UNC79: variants seen among roughly 807,000 people sequenced by gnomAD.
The protein encoded by UNC79 is protein unc-79 homolog.
In UNC79, 37 loss-of-function variants were observed where a neutral mutation model predicts 283.1. The ratio of observed to expected loss-of-function variants is 0.13; its 90% confidence interval spans 0.10 to 0.17. UNC79 has a LOEUF of 0.17. Ranked by LOEUF, UNC79 falls within the 10% of genes least tolerant of loss-of-function variation. UNC79 has a pLI of 1.00. For synonymous variants in UNC79, 1,107 were observed against 1,200.2 expected, an observed-to-expected ratio of 0.92 and a Z score of 1.61; for missense variants, 2,272 against 3,211.1, an observed-to-expected ratio of 0.71 and a Z score of 7.07.
Position 93,404,493 on chromosome 14 carries a change from A to AAAAAAAAAAATATATATAT in UNC79, c.-350-63177_-350-63176insAAAAAAAAATATATATATA. Among the ~76,000 whole-genome samples the AAAAAAAAAAATATATATAT allele has an allele frequency of 3.1e-4, 19 of 61,496 alleles. 1 individual carries two copies. The highest frequency in any genetic ancestry group is 4.6e-4 in the South Asian group (1 of 2,174). 40.3% of individuals were successfully genotyped at this position (61,496 alleles called of 152,430 possible). A position where few individuals can be genotyped will look rare whatever the true frequency, so the allele number is the denominator to read the frequency against. ...TGACAGAGTGAGACCTTCTAAAAAAAATATATATATATATATATATAAATA... is the reference window on the plus strand; with the variant it reads ...TGACAGAGTGAGACCTTCTAAAAAAAAAAAAAAAAATATATATATATATATATATATATATATATAAATA... On this transcript the variant is annotated intron_variant, in intron 1 of 49. Coordinates refer to the UNC79 transcript ENST00000256339.
At chr14:93,581,407 A>G (rs1466065194) in intron 19 of UNC79, among the ~76,000 whole-genome samples, 1 of 150,416 alleles carries the variant, frequency 6.6e-6, no homozygotes, top group Admixed American at 6.6e-5. Context: ...CCTGCCCTCA[A>G]GTGATCCTCC....
At chr14:93,686,493 A>G in intron 42 of UNC79, 79 bp from the exon 46 acceptor site, 1 of 1,476,878 alleles carries the variant, frequency 6.8e-7, no homozygotes. Flanking sequence ...CTTAGTAAAC[A>G]ACGTGAAACC....
intron 1 of UNC79, among the ~76,000 whole-genome samples, chr14:93,405,454 T>TA (rs1182327214): frequency 6.6e-6 from 1 of 152,000 alleles, no homozygotes; most frequent in East Asian, 1.9e-4. Context: ...GTCAAGCATA[T>TA]AAAAAATTAA....
intron 7 of UNC79, among the ~76,000 whole-genome samples, chr14:93,499,181 A>T (rs1322192156): frequency 6.6e-6 from 1 of 152,192 alleles, no homozygotes; most frequent in African/African-American, 2.4e-5. Context: ...AGTAGATAGT[A>T]AGTAAATTTT....
chr14:93,614,168 T>C (rs1447859560), intron 27 of UNC79, among the ~76,000 whole-genome samples: 2 of 152,100 alleles, frequency 1.3e-5, no homozygotes, highest in Non-Finnish European at 2.9e-5. Context: ...TTCAGTGGCA[T>C]TGAGTAATTT....
chr14:93,427,474 T>A (rs1436377642), upstream of UNC79, among the ~76,000 whole-genome samples: 1 of 152,180 alleles, frequency 6.6e-6, no homozygotes, highest in Non-Finnish European at 1.5e-5. Flanking sequence ...TAGACATATA[T>A]GGTGTGTATG....
intron 17 of UNC79, among the ~76,000 whole-genome samples, chr14:93,576,300 T>G (rs1224550339): frequency 6.6e-6 from 1 of 152,210 alleles, no homozygotes; most frequent in Non-Finnish European, 1.5e-5. Flanking sequence ...TGAAGAGCTT[T>G]GTGGTTACCA....
intron 1 of UNC79, among the ~76,000 whole-genome samples, chr14:93,380,327 T>C (rs1337021105): frequency 6.6e-6 from 1 of 152,220 alleles, no homozygotes; most frequent in East Asian, 1.9e-4. Flanking sequence ...GTAAAAAGTA[T>C]GAAGACTGCC....
intron 14 of UNC79, among the ~76,000 whole-genome samples, chr14:93,545,882 T>G (rs1030305381): frequency 6.6e-6 from 1 of 152,172 alleles, no homozygotes; most frequent in African/African-American, 2.4e-5. Context: ...TAGGGGTTTC[T>G]CAAAGTCAAT....
At chr14:93,404,927 T>A (rs1286287312) in intron 1 of UNC79, among the ~76,000 whole-genome samples, 1 of 151,968 alleles carries the variant, frequency 6.6e-6, no homozygotes, top group Non-Finnish European at 1.5e-5. Flanking sequence ...GTATTGGAAA[T>A]TAGAATTTAG....
At chr14:93,553,140 A>C (rs58686047) in intron 14 of UNC79, among the ~76,000 whole-genome samples, 1 of 152,226 alleles carries the variant, frequency 6.6e-6, no homozygotes, top group Non-Finnish European at 1.5e-5. Context: ...ATACTCACAT[A>C]TAGTTTCCAA....
chr14:93,561,293 A>G (rs1256365484), intron 14 of UNC79, among the ~76,000 whole-genome samples: 3 of 152,152 alleles, frequency 2.0e-5, no homozygotes, highest in Non-Finnish European at 4.4e-5. Flanking sequence ...GGGTCCAAAT[A>G]TGGGGGGAGT....
chr14:93,588,740 C>CAAAAAAAA (rs397745981), intron 22 of UNC79, among the ~76,000 whole-genome samples: 3 of 17,760 alleles, frequency 1.7e-4, no homozygotes, highest in Non-Finnish European at 4.5e-4. Flanking sequence ...GACTCCGTCT[C>CAAAAAAAA]AAAAAAAAAA....
chr14:93,540,734 C>T (rs2061335104), exon 13 of UNC79: 1 of 1,613,648 alleles, frequency 6.2e-7, no homozygotes, highest in African/African-American at 1.3e-5. Flanking sequence ...CTGGGCCTCT[C>T]CTCTTCCCAC....
rs904159772 is a variant in UNC79 at position 93,351,429 on chromosome 14, G to A, written c.-351+17906G>A. On this transcript the variant is annotated intron_variant, in intron 1 of 49. Coordinates refer to the UNC79 transcript ENST00000256339. The stretch of plus-strand genomic sequence containing the variant: ...TCTTGAAATAAAAAATAAATAAATA[G>A]AAGTTATTGTTTGAGGATATACAAG... Among the ~76,000 whole-genome samples, 4 of 152,094 alleles carry A rather than the reference G, an allele frequency of 2.6e-5. No individual in the cohort carries two copies. The East Asian group carries it at 5.8e-4, about 22-fold the overall frequency.
exon 20 of UNC79, chr14:93,582,321 G>A (rs756260785): frequency 6.2e-7 from 1 of 1,614,132 alleles, no homozygotes; most frequent in Non-Finnish European, 8.5e-7. Flanking sequence ...CCAGGCAACT[G>A]CACCGAGCCC....
At chr14:93,494,541 C>A (rs2058929309) in intron 5 of UNC79, among the ~76,000 whole-genome samples, 1 of 152,158 alleles carries the variant, frequency 6.6e-6, no homozygotes, top group Non-Finnish European at 1.5e-5. Flanking sequence ...GTCTGGAGCT[C>A]AGAACAGAGC....
chr14:93,439,315 C>CTCTTT (rs3059773), intron 1 of UNC79, among the ~76,000 whole-genome samples: 105,761 of 151,066 alleles, frequency 0.7, 37,429 homozygotes, highest in Middle Eastern at 0.77. Context: ...TCTTGTATTT[C>CTCTTT]TAAGTAAGAT....
At chr14:93,357,088 C>A (rs926372329) in intron 1 of UNC79, among the ~76,000 whole-genome samples, 5 of 152,180 alleles carry the variant, frequency 3.3e-5, no homozygotes, top group African/African-American at 1.2e-4. Context: ...CTCCCACTTA[C>A]AAGAGAGAGC....
Sources: gnomAD v4.1 joint callset for allele counts (sites outside exome capture counted in the v4.1 genomes callset) on GRCh38, gnomAD v4.1.1 for gene constraint, MANE v1.5 for transcripts, NCBI Gene and HGNC (gene_info 2026-07-23, HGNC 2026-07-21) for gene names.